Variants in PRKCH observed in about 807,000 individuals in gnomAD.
PRKCH encodes protein kinase C eta.
A neutral mutation model predicts 82.5 loss-of-function variants in PRKCH; 28 were observed. That is an observed-to-expected ratio of 0.34 (90% CI 0.25 to 0.47). The LOEUF is 0.47. Among genes scored for constraint, PRKCH ranks in the 20% least tolerant of loss-of-function variants. PRKCH has a pLI of 1.00. For synonymous variants in PRKCH, 322 were observed against 327.4 expected (o/e 0.98, Z 0.18); for missense variants, 705 against 881.8 (o/e 0.80, Z 2.54).
At chr14:61,359,634 G>C (rs149849562) in intron 1 of PRKCH, among the ~76,000 whole-genome samples, 2 of 152,254 alleles carry the variant, frequency 1.3e-5, no homozygotes, top group African/African-American at 4.8e-5. Context: ...ATGTAAACTA[G>C]ACTGACCTAC....
At chr14:61,201,223 T>C (rs8003139) in intron 1 of PRKCH, among the ~76,000 whole-genome samples, 45,901 of 152,016 alleles carry the variant, frequency 0.3, 7,191 homozygotes, top group Admixed American at 0.41. Context: ...ATGTGTCAGG[T>C]ACTGTGCTAA....
chr14:61,411,854 C>T (rs761285063), intron 2 of PRKCH, among the ~76,000 whole-genome samples: 27 of 152,174 alleles, frequency 1.8e-4, no homozygotes, highest in Non-Finnish European at 3.2e-4. Context: ...TCAAAAGGAG[C>T]AAAGATAACT....
rs890924057 is a variant in PRKCH at position 61,366,875 on chromosome 14, C to A, written c.364-24350C>A. ...TGGACCCTAGAACTTTGGACCTCCCCAGCCTTAAATCCACTGAGAGGAGCT... is the reference window on the plus strand; with the variant it reads ...TGGACCCTAGAACTTTGGACCTCCCAAGCCTTAAATCCACTGAGAGGAGCT... On this transcript the variant is annotated intron_variant, in intron 1 of 13. Coordinates refer to ENST00000332981, the MANE Select transcript of PRKCH (RefSeq NM_006255.5). Among the ~76,000 whole-genome samples, 20 of 152,026 alleles carry A rather than the reference C, an allele frequency of 1.3e-4. 1 individual carries two copies. Among genetic ancestry groups the A allele is most frequent in the African/African-American group, 4.4e-4 (18 of 41,280 alleles).
chr14:61,291,483 C>T (rs2045361861), intron 1 of PRKCH, among the ~76,000 whole-genome samples: 1 of 152,140 alleles, frequency 6.6e-6, no homozygotes, highest in Non-Finnish European at 1.5e-5. Context: ...GTGTGTGCCA[C>T]CACGCCCAGC....
intron 10 of PRKCH, among the ~76,000 whole-genome samples, chr14:61,503,706 G>A (rs1887017112): frequency 6.6e-6 from 1 of 152,140 alleles, no homozygotes; most frequent in Admixed American, 6.5e-5. Context: ...CACTGGGAAA[G>A]GAAGTGAATC....
upstream of PRKCH, among the ~76,000 whole-genome samples, chr14:61,319,773 C>T (rs994179784): frequency 6.6e-6 from 1 of 152,134 alleles, no homozygotes; most frequent in Non-Finnish European, 1.5e-5. Context: ...GCCCCCTGGA[C>T]GTTTGGGAGC....
intron 10 of PRKCH, among the ~76,000 whole-genome samples, chr14:61,527,386 A>C (rs1298487018): frequency 2.0e-5 from 3 of 152,192 alleles, no homozygotes; most frequent in Admixed American, 1.3e-4. Context: ...AGACAAACCC[A>C]GAAGTCATCA....
In PRKCH at chr14:61,210,128, AT is replaced by A. The variant is rs1366154613; in HGVS notation, c.-19+22461del. Among the ~76,000 whole-genome samples, 30 of 32,130 alleles carry A rather than the reference AT, an allele frequency of 9.3e-4. 1 individual carries two copies. Among genetic ancestry groups the A allele is most frequent in the South Asian group, 2.4e-3 (2 of 846 alleles). The allele number at this position is 32,130 out of a possible 152,430, so 21.1% of individuals were successfully genotyped here. A position where few individuals can be genotyped will look rare whatever the true frequency, so the allele number is the denominator to read the frequency against. ...AACAAACAAATATATATATATATAT[AT>A]ATATATATATATATATATATATATA... On this transcript the variant is annotated intron_variant, in intron 1 of 3. Transcript: ENST00000555185.
chr14:61,501,421 GAT>G (rs1279067879), intron 10 of PRKCH, among the ~76,000 whole-genome samples: 1 of 151,846 alleles, frequency 6.6e-6, no homozygotes, highest in East Asian at 1.9e-4. Flanking sequence ...AAAAAAGAGA[GAT>G]GTGTGCTCAT....
In PRKCH at chr14:61,457,168, T is replaced by C. The variant is rs1317107772; in HGVS notation, c.961-8T>C. On this transcript the variant is annotated splice_region_variant and splice_polypyrimidine_tract_variant and intron_variant, in intron 7 of 13. Transcript: ENST00000332981. ...AATTTCTGACTTAATGTGTTCTTAC[T>C]CTTTCAGAAACTCGTTTCCAGATCG... 6.2e-7 allele frequency: 1 copy of C among 1,613,680 alleles called. No homozygotes were observed. Among genetic ancestry groups the C allele is most frequent in the Non-Finnish European group, 8.5e-7 (1 of 1,179,808 alleles).
At chr14:61,196,252 A>T (rs879689979) in intron 1 of PRKCH, among the ~76,000 whole-genome samples, 1 of 152,230 alleles carries the variant, frequency 6.6e-6, no homozygotes, top group South Asian at 2.1e-4. Flanking sequence ...AAGCAAAGCC[A>T]TCTGAGAATG....
At chr14:61,465,375 T>C (rs1349675781) in intron 9 of PRKCH, among the ~76,000 whole-genome samples, 1 of 152,250 alleles carries the variant, frequency 6.6e-6, no homozygotes, top group Non-Finnish European at 1.5e-5. Flanking sequence ...TTTAAGTCTT[T>C]AGTCCATTTT....
At chr14:61,323,384 C>G (rs768056129) in intron 1 of PRKCH, among the ~76,000 whole-genome samples, 6 of 152,174 alleles carry the variant, frequency 3.9e-5, no homozygotes, top group African/African-American at 7.2e-5. Context: ...TCATCGTTCC[C>G]ACTTTGAGAT....
intron 1 of PRKCH, among the ~76,000 whole-genome samples, chr14:61,264,360 A>G (rs779747551): frequency 1.3e-4 from 20 of 152,330 alleles, no homozygotes; most frequent in African/African-American, 4.8e-4. Flanking sequence ...AGGTTCCACT[A>G]ATTAAATATT....
intron 2 of PRKCH, among the ~76,000 whole-genome samples, chr14:61,436,138 G>A (rs980987007): frequency 3.9e-5 from 6 of 152,316 alleles, no homozygotes; most frequent in African/African-American, 1.4e-4. Flanking sequence ...CACATGCAAC[G>A]TTCTGTTCTA....
intron 1 of PRKCH, among the ~76,000 whole-genome samples, chr14:61,269,687 A>AT (rs911688134): frequency 3.9e-5 from 6 of 152,240 alleles, no homozygotes; most frequent in East Asian, 3.9e-4. Context: ...CTAAGAGCAG[A>AT]TTTTTTTTGC....
intron 1 of PRKCH, among the ~76,000 whole-genome samples, chr14:61,202,397 T>C (rs563475728): frequency 1.3e-5 from 2 of 152,304 alleles, no homozygotes; most frequent in East Asian, 3.9e-4. Flanking sequence ...TAAGGGTGGA[T>C]GGGGTACATG....
At chr14:61,430,719 A>G (rs1017106236) in intron 2 of PRKCH, among the ~76,000 whole-genome samples, 2 of 151,232 alleles carry the variant, frequency 1.3e-5, no homozygotes, top group East Asian at 1.9e-4. Flanking sequence ...GCAGACTCCC[A>G]GTAGATAGAA....
chr14:61,530,357 T>C, intron 11 of PRKCH, 50 bp from the exon 12 acceptor site: 1 of 1,439,924 alleles, frequency 6.9e-7, no homozygotes, highest in Non-Finnish European at 9.2e-7. Flanking sequence ...AAGAACACAT[T>C]TGTTAATCTG....
Sources: gnomAD v4.1 joint callset for allele counts (sites outside exome capture counted in the v4.1 genomes callset) on GRCh38, gnomAD v4.1.1 for gene constraint, MANE v1.5 for transcripts, NCBI Gene and HGNC (gene_info 2026-07-23, HGNC 2026-07-21) for gene names.